Variants in MYT1 observed in about 807,000 individuals in gnomAD.
MYT1 encodes myelin transcription factor 1.
A neutral mutation model predicts 123.0 loss-of-function variants in MYT1; 23 were observed. The ratio of observed to expected loss-of-function variants is 0.19; its 90% CI spans 0.13 to 0.26. MYT1 has a LOEUF of 0.26. Among genes scored for constraint, MYT1 ranks in the 10% least tolerant of loss-of-function variants. MYT1 has a pLI of 1.00. For missense variants in MYT1, 1,125 were observed against 1,472.5 expected (o/e 0.76, Z 3.86); for synonymous variants, 518 against 575.3 (o/e 0.90, Z 1.43).
intron 16 of MYT1, among the ~76,000 whole-genome samples, 165 bp from the exon 17 acceptor site, chr20:64,227,250 C>T (rs1431278457): frequency 2.0e-5 from 3 of 152,192 alleles, no homozygotes; most frequent in Non-Finnish European, 4.4e-5. Context: ...TGCTGGCAGT[C>T]GGCAGCCGGG....
At position 64,164,654 on chromosome 20, in the gene MYT1, G is replaced by C. The variant is rs1982030637; in HGVS notation, c.-184G>C. The C allele has an allele frequency of 1.3e-5, 2 of 151,808 alleles. No homozygotes were observed. The highest frequency in any genetic ancestry group is 2.9e-5 in the Non-Finnish European group (2 of 67,968). The allele number at this position is 151,808 out of a possible 1,614,324, so 9.4% of individuals were successfully genotyped here. ...CAGCTGCCTTCCCTCTCCTCCCCCA[G>C]TCCACCCTGCACCCCCCATGTAAAT... On this transcript the variant is annotated 5_prime_UTR_variant, in exon 1 of 23. Transcript: ENST00000328439.
chr20:64,210,528 C>CCCCTCCTGGGA (rs1239560249), intron 7 of MYT1, among the ~76,000 whole-genome samples: 4 of 152,182 alleles, frequency 2.6e-5, no homozygotes, highest in African/African-American at 9.7e-5. Context: ...CCTTTGGAGC[C>CCCCTCCTGGGA]CCCTCCTGGG....
At chr20:64,221,009 C>T (rs1983985833) in intron 13 of MYT1, among the ~76,000 whole-genome samples, 1 of 152,204 alleles carries the variant, frequency 6.6e-6, no homozygotes, top group Non-Finnish European at 1.5e-5. Flanking sequence ...CTCAGGTCAC[C>T]CCATTTCATA....
In MYT1 at chr20:64,207,832, G is replaced by C. The variant is rs141016925; in HGVS notation, c.636G>C (p.Lys212Asn). 1.9e-6 allele frequency: 3 copies of C among 1,613,574 alleles called. No individual in the cohort carries two copies. Among genetic ancestry groups the C allele is most frequent in the Non-Finnish European group, 2.5e-6 (3 of 1,179,916 alleles). ...AEGAASEEGE[K>N]GLFIQPEDAE... ...GAGCTGCCAGCGAGGAGGGTGAAAA[G>C]GGCCTCTTCATCCAGCCAGAGGATG... The change falls in exon 7 of 23, where the codon AAG becomes AAC. Residue 212 changes from lysine (K) to asparagine (N), a missense_variant. Physicochemically the swap from Lys to Asn is moderately conservative, Grantham distance 94. Coordinates refer to ENST00000328439, the MANE Select transcript of MYT1 (RefSeq NM_004535.3).
At chr20:64,240,227 C>T (rs1301362273) in intron 22 of MYT1, 93 bp from the exon 23 acceptor site, 18 of 1,536,768 alleles carry the variant, frequency 1.2e-5, no homozygotes, top group South Asian at 3.8e-5. Context: ...TCTCAGGTCA[C>T]GTGGGGACAT....
chr20:64,178,403 T>C (rs1469164428), intron 1 of MYT1, among the ~76,000 whole-genome samples: 1 of 152,242 alleles, frequency 6.6e-6, no homozygotes, highest in Non-Finnish European at 1.5e-5. Flanking sequence ...GTGGTCCTGG[T>C]GTCTCGTTCG....
At position 64,217,037 on chromosome 20, in the gene MYT1, C is replaced by T. The variant is rs537790847; in HGVS notation, c.1632-30C>T. The T allele has an allele frequency of 1.1e-5, 17 of 1,591,392 alleles. No individual in the cohort carries two copies. In the Admixed American group the frequency reaches 2.5e-4, roughly 23 times the overall value. Reference sequence around the variant, plus strand: ...CACGGGATCCCCAGGTCCCATCTCACTGGCTGTGCATCCCTGTACTGCACC... The same window carrying T: ...CACGGGATCCCCAGGTCCCATCTCATTGGCTGTGCATCCCTGTACTGCACC... On this transcript the variant is annotated intron_variant, in intron 10 of 22. Transcript: ENST00000328439.
At chr20:64,226,552 AG>A (rs995524655) in intron 16 of MYT1, among the ~76,000 whole-genome samples, 1 of 152,168 alleles carries the variant, frequency 6.6e-6, no homozygotes, top group African/African-American at 2.4e-5. Context: ...AGGGGTCAGG[AG>A]GGGTGAGGCA....
intron 7 of MYT1, 56 bp from the exon 8 acceptor site, chr20:64,211,150 C>G (rs376231629): frequency 4.4e-6 from 7 of 1,574,860 alleles, no homozygotes; most frequent in African/African-American, 1.3e-5. Flanking sequence ...CCCCTGCCCC[C>G]TCTCTGCTCA....
chr20:64,235,761 T>G (rs868461579), intron 19 of MYT1, among the ~76,000 whole-genome samples: 9 of 63,816 alleles, frequency 1.4e-4, no homozygotes, highest in Admixed American at 4.5e-4. Context: ...CTTGGATGGC[T>G]GTGGTGGGTG....
Position 64,212,764 on chromosome 20 carries a change from G to A in MYT1, c.1517+626G>A, listed in dbSNP as rs899417822. ...GAAGTGAAGCTTCCCGACCACCCTC[G>A]AGGTGTAGTTGTTGACTGGTCTTCT... On this transcript the variant is annotated intron_variant, in intron 9 of 22. Transcript: ENST00000328439. The surrounding 1 kb of genome is among the most constrained non-coding windows in gnomAD (Gnocchi z 6.8). Among the ~76,000 whole-genome samples the A allele has an allele frequency of 1.3e-5, 2 of 152,038 alleles. No individual in the cohort carries two copies. The highest frequency in any genetic ancestry group is 2.4e-5 in the African/African-American group (1 of 41,378).
rs116906918 is a variant in MYT1 at position 64,182,879 on chromosome 20, G to A, written c.-98-7184G>A. ...CCACATGCCACTGTTTAAAAACAGC[G>A]TTATTGGAATGTAATGTGCACATCA... On this transcript the variant is annotated intron_variant, in intron 1 of 22. Transcript: ENST00000328439. 3.5e-3 allele frequency among the ~76,000 whole-genome samples: 535 copies of A among 152,314 alleles called. 2 individuals carry two copies. Among genetic ancestry groups the A allele is most frequent in the Middle Eastern group, 0.017 (5 of 294 alleles).
Position 64,205,783 on chromosome 20 carries a change from G to A in MYT1, c.380G>A (p.Arg127His), listed in dbSNP as rs374821886. The change falls in exon 6 of 23, where the codon CGC becomes CAC. Residue 127 changes from arginine to histidine, a missense_variant. By Grantham distance (29) the Arg-to-His change is conservative. Around this residue, in one of 4 missense-constraint regions of MYT1, gnomAD observed 406 missense variants for 432.2 expected, o/e 0.94. Transcript: ENST00000328439. ...AETSGQDEIH[R>H]PETAEGRSPV... ...ACGTCAGGACAGGACGAGATTCATCGCCCCGAGACAGCTGAAGGTGCTTTG... is the reference window on the plus strand; with the variant it reads ...ACGTCAGGACAGGACGAGATTCATCACCCCGAGACAGCTGAAGGTGCTTTG... 1.9e-5 allele frequency: 30 copies of A among 1,613,864 alleles called. No homozygotes were observed. Among genetic ancestry groups the A allele is most frequent in the Admixed American group, 5.0e-5 (3 of 59,996 alleles).
At position 64,166,073 on chromosome 20, in the gene MYT1, C is replaced by A. The variant is rs436515; in HGVS notation, c.-99+1334C>A. On this transcript the variant is annotated intron_variant, in intron 1 of 22. Transcript: ENST00000328439. The surrounding 1 kb of genome is among the most constrained non-coding windows in gnomAD (Gnocchi z 4.9). ...GAGGGAGGCTCCCCTCGGCCCCCAG[C>A]CTCCCTGCCACCCCGGGCTCCCCTC... Among the ~76,000 whole-genome samples, 2 of 152,032 alleles carry A rather than the reference C, an allele frequency of 1.3e-5. No individual in the cohort carries two copies. The highest frequency in any genetic ancestry group is 2.4e-5 in the African/African-American group (1 of 41,378).
rs58518433 is a variant in MYT1 at position 64,240,571 on chromosome 20, G to A, written c.*123G>A. Reference sequence around the variant, plus strand: ...TTTGGGGCCCGGTGTGGCCGCGGGCGGGTTTATCCAAAGGGATGGCTGGAA... The same window carrying A: ...TTTGGGGCCCGGTGTGGCCGCGGGCAGGTTTATCCAAAGGGATGGCTGGAA... On this transcript the variant is annotated 3_prime_UTR_variant, in exon 23 of 23. Coordinates refer to ENST00000328439, the MANE Select transcript of MYT1 (RefSeq NM_004535.3). The A allele has an allele frequency of 3.6e-4, 490 of 1,375,424 alleles. 3 individuals carry two copies. In the African/African-American group the frequency reaches 6.0e-3, roughly 17 times the overall value. The allele number at this position is 1,375,424 out of a possible 1,614,324, so 85.2% of individuals were successfully genotyped here.
At position 64,205,613 on chromosome 20, in the gene MYT1, G is replaced by C. The variant is rs778346415; in HGVS notation, c.210G>C (p.Leu70=). The C allele has an allele frequency of 4.3e-6, 7 of 1,614,156 alleles. No homozygotes were observed. The South Asian group carries it at 7.7e-5, about 18-fold the overall frequency. Residue 70 remains leucine (L), a synonymous_variant, in exon 6 of 23, where the codon CTG becomes CTC. Transcript: ENST00000328439. ...TGGAGGGCGCTGAGGCTGAGCACCT[G>C]GTGTCCAAGAGGAAGTCACACCCCC... ...RKLEGAEAEH[L]VSKRKSHPLK...
At chr20:64,201,791 C>T (rs983861639) in intron 4 of MYT1, among the ~76,000 whole-genome samples, 9 of 152,218 alleles carry the variant, frequency 5.9e-5, no homozygotes, top group Non-Finnish European at 1.0e-4. Context: ...AAGCATGACC[C>T]ACGCAGAAAA....
intron 1 of MYT1, among the ~76,000 whole-genome samples, chr20:64,178,008 C>T (rs1982520358): frequency 6.6e-6 from 1 of 152,152 alleles, no homozygotes; most frequent in Non-Finnish European, 1.5e-5. Context: ...TCATGGACTT[C>T]AGGGTCTTCC....
chr20:64,179,022 A>G (rs558946653), intron 1 of MYT1, among the ~76,000 whole-genome samples: 167 of 85,814 alleles, frequency 1.9e-3, no homozygotes, highest in Middle Eastern at 9.6e-3. Flanking sequence ...TTATTCGGTG[A>G]GATACCCTTC....
Sources: gnomAD v4.1 joint callset for allele counts (sites outside exome capture counted in the v4.1 genomes callset) on GRCh38, gnomAD v4.1.1 for gene constraint, gnomAD v4.1.1 regional missense constraint, Gnocchi (gnomAD v3.1) non-coding constraint, MANE v1.5 for transcripts, NCBI Gene and HGNC (gene_info 2026-07-23, HGNC 2026-07-21) for gene names.